Variants in CAMKMT observed in about 807,000 individuals in gnomAD.
The protein encoded by CAMKMT is calmodulin-lysine N-methyltransferase, also known as CaM KMT.
A neutral mutation model predicts 48.0 loss-of-function variants in CAMKMT; 53 were observed. The observed-to-expected ratio is 1.10, with a 90% CI of 0.89 to 1.39. The LOEUF (loss-of-function observed/expected upper bound fraction) is 1.39. Among genes scored for constraint, CAMKMT ranks in the 40% most tolerant of loss-of-function variants. The pLI, the probability that CAMKMT is intolerant of heterozygous loss-of-function variation, is 0.00. For missense variants in CAMKMT, 428 were observed against 402.7 expected (o/e 1.06, Z -0.54); for synonymous variants, 165 against 152.3 (o/e 1.08, Z -0.61).
intron 3 of CAMKMT, among the ~76,000 whole-genome samples, chr2:44,476,174 A>C (rs532992557): frequency 6.6e-6 from 1 of 152,304 alleles, no homozygotes; most frequent in East Asian, 1.9e-4. Context: ...GCAATTTAAT[A>C]CTGTACCTAC....
intron 3 of CAMKMT, among the ~76,000 whole-genome samples, chr2:44,491,896 T>A (rs1268248522): frequency 6.6e-6 from 1 of 152,200 alleles, no homozygotes; most frequent in African/African-American, 2.4e-5. Context: ...CAGGAAATGT[T>A]TTCTTTCTTT....
chr2:44,598,999 C>T (rs889391597), intron 3 of CAMKMT, among the ~76,000 whole-genome samples: 1 of 152,024 alleles, frequency 6.6e-6, no homozygotes, highest in Middle Eastern at 3.4e-3. Context: ...TCACCTATTT[C>T]GTATGTCTTT....
intron 3 of CAMKMT, among the ~76,000 whole-genome samples, chr2:44,423,071 A>C (rs1230210714): frequency 1.3e-5 from 2 of 152,202 alleles, no homozygotes; most frequent in African/African-American, 4.8e-5. Context: ...AGAATTCCTC[A>C]AGAGGAATAA....
intron 3 of CAMKMT, among the ~76,000 whole-genome samples, chr2:44,482,115 A>G (rs1354171175): frequency 6.6e-6 from 1 of 152,106 alleles, no homozygotes; most frequent in Non-Finnish European, 1.5e-5. Flanking sequence ...GGCTTAGAGA[A>G]TTGCATAATA....
intron 3 of CAMKMT, among the ~76,000 whole-genome samples, chr2:44,490,003 C>T (rs752486800): frequency 1.2e-4 from 19 of 152,054 alleles, no homozygotes; most frequent in African/African-American, 4.1e-4. Context: ...TACACACACA[C>T]GCACACTCAC....
chr2:44,406,279 C>CT lies in CAMKMT; in HGVS notation c.376+15984dup, dbSNP rs535828943. Among the ~76,000 whole-genome samples, 15 of 147,812 alleles carry CT rather than the reference C, an allele frequency of 1.0e-4. 1 individual carries two copies. The highest frequency in any genetic ancestry group is 3.0e-4 in the African/African-American group (12 of 40,320). On this transcript the variant is annotated intron_variant, in intron 3 of 10. Transcript: ENST00000378494. ...GCGCCTTTGTCATTTTGCCTTAAGT[C>CT]TTTTTTTTTTAATTACCATTTTTTA...
At chr2:44,460,901 T>C (rs1667815569) in intron 3 of CAMKMT, among the ~76,000 whole-genome samples, 1 of 151,926 alleles carries the variant, frequency 6.6e-6, no homozygotes, top group Non-Finnish European at 1.5e-5. Context: ...TTTTGTACTT[T>C]TGGTAAAGAT....
rs531131670 is a variant in CAMKMT at position 44,443,710 on chromosome 2, C to T, written c.376+53405C>T. ...GACATTGAACAATAGAGCTTGACTT[C>T]TTCATGTCTGTTAAATTAGACTATG... On this transcript the variant is annotated intron_variant, in intron 3 of 10. Transcript: ENST00000378494. Among the ~76,000 whole-genome samples, 26 of 152,216 alleles carry T rather than the reference C, an allele frequency of 1.7e-4. No homozygotes were observed. In the South Asian group the frequency reaches 3.1e-3, roughly 18 times the overall value.
intron 3 of CAMKMT, among the ~76,000 whole-genome samples, chr2:44,552,184 G>A (rs1162291532): frequency 6.6e-6 from 1 of 151,978 alleles, no homozygotes; most frequent in Non-Finnish European, 1.5e-5. Context: ...TATGCCCATA[G>A]GTATGCATTA....
intron 3 of CAMKMT, among the ~76,000 whole-genome samples, chr2:44,683,680 G>A (rs948474375): frequency 7.9e-5 from 12 of 151,816 alleles, no homozygotes; most frequent in African/African-American, 1.7e-4. Context: ...AAAATTAGGC[G>A]GGCGTGGTGG....
chr2:44,582,388 T>C (rs1669612502), intron 3 of CAMKMT, among the ~76,000 whole-genome samples: 1 of 152,222 alleles, frequency 6.6e-6, no homozygotes, highest in Non-Finnish European at 1.5e-5. Flanking sequence ...TCCCAAATAG[T>C]AAAATAGATG....
chr2:44,514,835 C>T (rs1670756305), intron 3 of CAMKMT, among the ~76,000 whole-genome samples: 1 of 152,172 alleles, frequency 6.6e-6, no homozygotes, highest in African/African-American at 2.4e-5. Context: ...TTCCCCATAT[C>T]CTTCCTGAAT....
chr2:44,375,262 C>T (rs1327601729), intron 2 of CAMKMT, among the ~76,000 whole-genome samples: 1 of 151,026 alleles, frequency 6.6e-6, no homozygotes, highest in East Asian at 1.9e-4. Flanking sequence ...GTACTCTCAT[C>T]TTCCTCTATA....
intron 3 of CAMKMT, among the ~76,000 whole-genome samples, chr2:44,689,517 C>G (rs1676524523): frequency 6.6e-6 from 1 of 151,962 alleles, no homozygotes; most frequent in Non-Finnish European, 1.5e-5. Context: ...CACAGCAGGG[C>G]CTTGGGGGAA....
At chr2:44,708,925 A>G (rs796721148) in intron 6 of CAMKMT, among the ~76,000 whole-genome samples, 1 of 152,078 alleles carries the variant, frequency 6.6e-6, no homozygotes, top group African/African-American at 2.4e-5. Context: ...CAGGTGTCTT[A>G]TTTAATAGCG....
chr2:44,673,500 A>G (rs956408589), intron 3 of CAMKMT, among the ~76,000 whole-genome samples: 8 of 142,224 alleles, frequency 5.6e-5, no homozygotes, highest in African/African-American at 1.9e-4. Context: ...GAAGGAAGGA[A>G]GGAAGGAAGG....
At chr2:44,619,365 G>C (rs1171722776) in intron 3 of CAMKMT, among the ~76,000 whole-genome samples, 2 of 151,786 alleles carry the variant, frequency 1.3e-5, no homozygotes, top group Admixed American at 1.3e-4. Context: ...TATTTAGTAG[G>C]GTTACCTGGC....
intron 3 of CAMKMT, among the ~76,000 whole-genome samples, chr2:44,673,496 A>AGGAAGGAAGGAAGGAG (rs1675470488): frequency 7.2e-6 from 1 of 139,776 alleles, no homozygotes; most frequent in African/African-American, 2.7e-5. Flanking sequence ...GAAGGAAGGA[A>AGGAAGGAAGGAAGGAG]GGAAGGAAGG....
intron 3 of CAMKMT, among the ~76,000 whole-genome samples, chr2:44,447,002 C>T (rs1387119991): frequency 6.6e-6 from 1 of 152,132 alleles, no homozygotes; most frequent in Non-Finnish European, 1.5e-5. Context: ...TTTAATGTAA[C>T]TCGTATTCCT....
Sources: gnomAD v4.1 joint callset for allele counts (sites outside exome capture counted in the v4.1 genomes callset) on GRCh38, gnomAD v4.1.1 for gene constraint, MANE v1.5 for transcripts, NCBI Gene and HGNC (gene_info 2026-07-23, HGNC 2026-07-21) for gene names.